The following LAMA2 variants were observed in gnomAD, a reference collection of about 807,000 sequenced individuals.
LAMA2 encodes the protein laminin subunit alpha 2, also known as laminin subunit alpha-2.
LAMA2 carries 269 observed loss-of-function variants against 364.8 expected under a neutral mutation model. The ratio of observed to expected loss-of-function variants is 0.74; its 90% CI spans 0.67 to 0.82. LAMA2 has a LOEUF of 0.82. Ranked by LOEUF, LAMA2 falls within the 40% of genes least tolerant of loss-of-function variation. The pLI is 0.00. For synonymous variants in LAMA2, 1,379 were observed against 1,370.6 expected (o/e 1.01, Z -0.14); for missense variants, 3,807 against 3,873.2 (o/e 0.98, Z 0.45).
At chr6:129,401,479 A>G in intron 38 of LAMA2, 139 bp downstream of exon 38, 1 of 693,320 alleles carries the variant, frequency 1.4e-6, no homozygotes, top group South Asian at 1.6e-5. Context: ...TACTGTGACC[A>G]TGCCTATCTA....
At chr6:129,340,717 G>A (rs1322057903) in intron 29 of LAMA2, among the ~76,000 whole-genome samples, 1 of 151,226 alleles carries the variant, frequency 6.6e-6, no homozygotes, top group Non-Finnish European at 1.5e-5. Flanking sequence ...TGTGCCTGTA[G>A]TACCAGCTAC....
At position 129,366,356 on chromosome 6, in the gene LAMA2, C is replaced by T. The variant is rs769193696; in HGVS notation, c.4855C>T (p.Leu1619=). ...TGGTCTTGAAAATATGACTCAGGAG[C>T]TAAAGGTAGGTTGGTGCAGTCACAA... ...LYGLENMTQE[L]KHLLSPQRAP... is the part of the protein sequence containing the mutation. The change falls in exon 33 of 65, where the codon CTA becomes TTA. Residue 1619 remains leucine, a synonymous_variant. Transcript: ENST00000421865. The T allele has an allele frequency of 2.5e-6, 4 of 1,613,418 alleles. No homozygotes were observed. The South Asian group carries it at 4.4e-5, about 18-fold the overall frequency.
chr6:128,896,728 T>C (rs959463058), intron 1 of LAMA2, among the ~76,000 whole-genome samples: 2 of 152,214 alleles, frequency 1.3e-5, no homozygotes, highest in Non-Finnish European at 1.5e-5. Context: ...ACCCAGAATC[T>C]GAAATTTTAT....
At position 129,144,021 on chromosome 6, in the gene LAMA2, G is replaced by T. The variant is rs1485855547; in HGVS notation, c.760G>T (p.Asp254Tyr). ...TCAGAGGATCCGCACACTGAATGCT[G>T]ACTTGATGATGTTTGCTCACAAAGA... ...RFQRIRTLNA[D>Y]LMMFAHKDPR... Residue 254 changes from aspartate to tyrosine, a missense_variant, in exon 5 of 65, where the codon GAC becomes TAC. Asp to Tyr is a radical substitution (Grantham distance 160, BLOSUM62 -3). Around this residue, in one of 3 missense-constraint regions of LAMA2, gnomAD observed 394 missense variants for 403.5 expected, o/e 0.98. Transcript: ENST00000421865. 6.2e-7 allele frequency: 1 copy of T among 1,612,710 alleles called. No homozygotes were observed. The highest frequency in any genetic ancestry group is 1.1e-5 in the South Asian group (1 of 91,054).
chr6:128,926,962 A>G (rs1779140922), intron 1 of LAMA2, among the ~76,000 whole-genome samples: 2 of 152,218 alleles, frequency 1.3e-5, no homozygotes, highest in Admixed American at 1.3e-4. Flanking sequence ...TCCAGTTTGA[A>G]TACATTCATC....
intron 51 of LAMA2, among the ~76,000 whole-genome samples, chr6:129,465,878 A>G (rs1783516194): frequency 1.3e-5 from 2 of 151,954 alleles, no homozygotes; most frequent in African/African-American, 4.8e-5. Context: ...ACAGACATAT[A>G]TATAAAAGAT....
intron 28 of LAMA2, among the ~76,000 whole-genome samples, chr6:129,322,400 A>G (rs557219434): frequency 6.6e-6 from 1 of 152,318 alleles, no homozygotes; most frequent in East Asian, 1.9e-4. Context: ...TCCAGTGAGC[A>G]TTGAAGATTT....
chr6:128,981,616 TG>T (rs1003488787), intron 1 of LAMA2, among the ~76,000 whole-genome samples: 27 of 141,596 alleles, frequency 1.9e-4, no homozygotes, highest in African/African-American at 6.8e-4. Flanking sequence ...CTGGGCTTGG[TG>T]GTTGAGCCTG....
chr6:129,402,493 T>C lies in LAMA2; in HGVS notation c.5726+6T>C. 1.9e-6 allele frequency: 3 copies of C among 1,613,960 alleles called. No homozygotes were observed. The highest frequency in any genetic ancestry group is 2.5e-6 in the Non-Finnish European group (3 of 1,179,858). ...TCATCTGCTGTCCTTGATGGGTATG[T>C]CATTTGTTTTTGGAAATGTTTGTGT... On this transcript the variant is annotated splice_donor_region_variant and intron_variant, in intron 39 of 64. Transcript: ENST00000421865.
chr6:129,500,977 T>A (rs983345879), intron 58 of LAMA2, among the ~76,000 whole-genome samples: 1 of 152,206 alleles, frequency 6.6e-6, no homozygotes, highest in African/African-American at 2.4e-5. Flanking sequence ...TCAGCATCCA[T>A]CCACCTTTCT....
chr6:129,249,738 T>A (rs1786037771), intron 12 of LAMA2, among the ~76,000 whole-genome samples: 1 of 152,148 alleles, frequency 6.6e-6, no homozygotes, highest in African/African-American at 2.4e-5. Flanking sequence ...TCTGGTCAGA[T>A]GGTTAGAACT....
chr6:129,383,047 C>A, intron 34 of LAMA2, 75 bp from the exon 35 acceptor site: 1 of 1,189,328 alleles, frequency 8.4e-7, no homozygotes, highest in Non-Finnish European at 1.2e-6. Flanking sequence ...AAAGAAAATG[C>A]AGCCAGTGGG....
chr6:129,258,649 A>T (rs1280205992), intron 14 of LAMA2, among the ~76,000 whole-genome samples: 1 of 152,048 alleles, frequency 6.6e-6, no homozygotes, highest in Non-Finnish European at 1.5e-5. Context: ...TTTATTTTTT[A>T]AATTTTAAAT....
At chr6:129,433,248 A>AT (rs35855073) in intron 41 of LAMA2, among the ~76,000 whole-genome samples, 1 of 151,922 alleles carries the variant, frequency 6.6e-6, no homozygotes, top group African/African-American at 2.4e-5. Flanking sequence ...AATTGGAGGG[A>AT]TTTTTTCTAA....
chr6:128,968,124 T>C (rs1213139405), intron 1 of LAMA2, among the ~76,000 whole-genome samples: 1 of 152,182 alleles, frequency 6.6e-6, no homozygotes, highest in Admixed American at 6.5e-5. Context: ...TTCCCTCCAG[T>C]CTGGTGAGCA....
chr6:128,915,622 T>C (rs998959213), intron 1 of LAMA2, among the ~76,000 whole-genome samples: 2 of 152,238 alleles, frequency 1.3e-5, no homozygotes, highest in African/African-American at 4.8e-5. Flanking sequence ...TATTGAAGTG[T>C]GTTTCTCTGC....
intron 35 of LAMA2, among the ~76,000 whole-genome samples, chr6:129,384,953 T>C (rs984000891): frequency 6.7e-6 from 1 of 148,412 alleles, no homozygotes; most frequent in East Asian, 2.0e-4. Context: ...TAAAATTGAA[T>C]GAAAGGTCAA....
intron 41 of LAMA2, among the ~76,000 whole-genome samples, chr6:129,435,772 G>T (rs182372827): frequency 6.6e-6 from 1 of 152,026 alleles, no homozygotes; most frequent in Non-Finnish European, 1.5e-5. Flanking sequence ...AATATGTCCC[G>T]TACTCTTCTT....
At chr6:128,913,522 T>C (rs1460162566) in intron 1 of LAMA2, among the ~76,000 whole-genome samples, 1 of 152,210 alleles carries the variant, frequency 6.6e-6, no homozygotes, top group Non-Finnish European at 1.5e-5. Context: ...TTGGTTTTAC[T>C]TACTGACTAT....
Sources: gnomAD v4.1 joint callset for allele counts (sites outside exome capture counted in the v4.1 genomes callset) on GRCh38, gnomAD v4.1.1 for gene constraint, gnomAD v4.1.1 regional missense constraint, MANE v1.5 for transcripts, NCBI Gene and HGNC (gene_info 2026-07-23, HGNC 2026-07-21) for gene names.